Variants in THSD4 observed in about 807,000 individuals in gnomAD.
THSD4 encodes thrombospondin type 1 domain containing 4.
THSD4 carries 69 observed loss-of-function variants against 119.0 expected under a neutral mutation model. The ratio of observed to expected loss-of-function variants is 0.58; its 90% CI spans 0.48 to 0.71. The LOEUF is 0.71. THSD4 is among the 30% of genes least tolerant of loss of function. The pLI, the probability that THSD4 is intolerant of heterozygous loss-of-function variation, is 0.00. For missense variants in THSD4, 1,393 were observed against 1,391.1 expected (o/e 1.00, Z -0.02); for synonymous variants, 524 against 540.4 (o/e 0.97, Z 0.42).
Position 71,367,916 on chromosome 15 carries a change from T to C in THSD4, c.1016-43771T>C, listed in dbSNP as rs375072722. ...GTCCCACCAACAGTGTAAAAGTGTT[T>C]CTATTTCTCCACATCCTCTCCAGCA... On this transcript the variant is annotated intron_variant, in intron 6 of 17. Coordinates refer to ENST00000261862, the MANE Select transcript of THSD4 (RefSeq NM_024817.3). Among the ~76,000 whole-genome samples the C allele has an allele frequency of 3.4e-3, 525 of 152,310 alleles. 4 individuals are homozygous for C. Among genetic ancestry groups the C allele is most frequent in the South Asian group, 0.026 (127 of 4,828 alleles).
chr15:71,141,577 T>TA (rs758338119), intron 2 of THSD4, 21 bp downstream of exon 2: 29 of 1,601,922 alleles, frequency 1.8e-5, no homozygotes, highest in Non-Finnish European at 2.3e-5. Context: ...AAACTTTTTT[T>TA]AAAAAAACAG....
chr15:71,467,065 C>G (rs1267244039), intron 7 of THSD4, among the ~76,000 whole-genome samples: 2 of 152,212 alleles, frequency 1.3e-5, no homozygotes, highest in African/African-American at 4.8e-5. Flanking sequence ...AAACCATTTC[C>G]CGTGGCTTCC....
chr15:71,199,395 A>G (rs1469174532), intron 3 of THSD4, among the ~76,000 whole-genome samples: 6 of 149,032 alleles, frequency 4.0e-5, no homozygotes, highest in Non-Finnish European at 8.9e-5. Context: ...ATCGTAGAGT[A>G]GGTTTTCTCA....
intron 7 of THSD4, among the ~76,000 whole-genome samples, chr15:71,651,142 A>G (rs912354821): frequency 5.0e-4 from 76 of 152,230 alleles, no homozygotes; most frequent in African/African-American, 1.5e-3. Flanking sequence ...CCTCAAGAAC[A>G]CTAGTATTCT....
intron 4 of THSD4, among the ~76,000 whole-genome samples, chr15:71,226,264 G>C (rs1017464383): frequency 6.6e-6 from 1 of 152,146 alleles, no homozygotes; most frequent in African/African-American, 2.4e-5. Context: ...AACATGGCTT[G>C]ATTATTTTAT....
At chr15:71,564,893 T>C (rs2049205282) in intron 7 of THSD4, among the ~76,000 whole-genome samples, 1 of 151,016 alleles carries the variant, frequency 6.6e-6, no homozygotes, top group South Asian at 2.1e-4. Flanking sequence ...CAGCAGGTTC[T>C]AGTCAAATAC....
intron 7 of THSD4, among the ~76,000 whole-genome samples, chr15:71,601,337 G>A (rs907197957): frequency 6.6e-6 from 1 of 152,128 alleles, no homozygotes; most frequent in Non-Finnish European, 1.5e-5. Context: ...TAGAATGGAA[G>A]CCTTTAGCAG....
intron 7 of THSD4, among the ~76,000 whole-genome samples, chr15:71,433,903 A>T (rs529806144): frequency 6.6e-6 from 1 of 152,300 alleles, no homozygotes; most frequent in South Asian, 2.1e-4. Context: ...ATAAGCTCAC[A>T]GCAAGATGTA....
At chr15:71,475,533 A>G (rs1350547034) in intron 7 of THSD4, among the ~76,000 whole-genome samples, 1 of 152,154 alleles carries the variant, frequency 6.6e-6, no homozygotes, top group Non-Finnish European at 1.5e-5. Context: ...TCTGGGATAG[A>G]GCCTGAGAGT....
intron 6 of THSD4, 55 bp from the exon 7 acceptor site, chr15:71,411,632 A>G (rs909415090): frequency 2.0e-6 from 3 of 1,532,664 alleles, no homozygotes; most frequent in African/African-American, 1.4e-5. Flanking sequence ...TTCCACAGAG[A>G]TGATATTGCT....
intron 7 of THSD4, among the ~76,000 whole-genome samples, chr15:71,592,095 C>G (rs8043382): frequency 0.91 from 139,096 of 152,262 alleles, 64,926 homozygotes; most frequent in East Asian, 1. Flanking sequence ...ATTTGAGCTA[C>G]GGTTTTTCTC....
intron 7 of THSD4, among the ~76,000 whole-genome samples, chr15:71,433,080 T>C (rs2046963236): frequency 6.6e-6 from 1 of 151,762 alleles, no homozygotes. Context: ...TTTATAAATA[T>C]ATATTTTATA....
rs1235244669 is a variant in THSD4, at chr15:71,403,762, A to AC, written c.1016-7923dup. Among the ~76,000 whole-genome samples, 10 of 152,316 alleles carry AC rather than the reference A, an allele frequency of 6.6e-5. No individual in the cohort carries two copies. In the East Asian group the frequency reaches 1.7e-3, roughly 26 times the overall value. On this transcript the variant is annotated intron_variant, in intron 6 of 17. Coordinates refer to ENST00000261862, the MANE Select transcript of THSD4 (RefSeq NM_024817.3). ...CAGTGTTCCCCAGCTGCAATACAAAACCACTGTATATGCAGTATCCATGGG... is the reference window on the plus strand; with the variant it reads ...CAGTGTTCCCCAGCTGCAATACAAAACCCACTGTATATGCAGTATCCATGGG...
chr15:71,421,254 A>G (rs1308932028), intron 7 of THSD4, among the ~76,000 whole-genome samples: 1 of 65,680 alleles, frequency 1.5e-5, no homozygotes, highest in African/African-American at 4.9e-5. Context: ...TACTATTACC[A>G]GTGAGTTTTG....
At chr15:71,108,438 C>T (rs2040283071) in intron 1 of THSD4, among the ~76,000 whole-genome samples, 1 of 152,154 alleles carries the variant, frequency 6.6e-6, no homozygotes, top group Admixed American at 6.5e-5. Flanking sequence ...ATGCTTTGAG[C>T]CGGGAAGATC....
intron 4 of THSD4, among the ~76,000 whole-genome samples, chr15:71,239,215 T>C (rs1515679): frequency 0.054 from 8,258 of 152,238 alleles, 545 homozygotes; most frequent in African/African-American, 0.16. Flanking sequence ...TGTAAATGAA[T>C]ACAAGGCCAG....
intron 7 of THSD4, among the ~76,000 whole-genome samples, chr15:71,458,189 A>C (rs1483657801): frequency 6.6e-6 from 1 of 152,224 alleles, no homozygotes; most frequent in Non-Finnish European, 1.5e-5. Flanking sequence ...TCTCTTTCAC[A>C]GATAATAAAA....
chr15:71,104,095 A>G (rs931982703), intron 1 of THSD4, among the ~76,000 whole-genome samples: 9 of 152,160 alleles, frequency 5.9e-5, no homozygotes, highest in African/African-American at 2.2e-4. Context: ...GTCCTTACTT[A>G]TTCCATCTTT....
chr15:71,196,890 G>A (rs746775625), intron 3 of THSD4, among the ~76,000 whole-genome samples: 3 of 152,152 alleles, frequency 2.0e-5, no homozygotes, highest in African/African-American at 7.2e-5. Context: ...CAGTGGAGGA[G>A]TTGGTTCCAG....
Sources: gnomAD v4.1 joint callset for allele counts (sites outside exome capture counted in the v4.1 genomes callset) on GRCh38, gnomAD v4.1.1 for gene constraint, MANE v1.5 for transcripts, NCBI Gene and HGNC (gene_info 2026-07-23, HGNC 2026-07-21) for gene names.